The following NIPBL variants were observed in gnomAD, a reference collection of about 807,000 sequenced individuals.
NIPBL encodes nipped-B-like protein.
In NIPBL, 19 loss-of-function variants were observed where a neutral mutation model predicts 321.8. The ratio of observed to expected loss-of-function variants is 0.06; its 90% CI spans 0.04 to 0.09. NIPBL has a LOEUF of 0.09. NIPBL is among the 10% of genes least tolerant of loss of function. NIPBL has a pLI of 1.00. For synonymous variants in NIPBL, 1,106 were observed against 1,114.1 expected (o/e 0.99, Z 0.14); for missense variants, 2,210 against 3,327.0 (o/e 0.66, Z 8.26).
At chr5:36,908,488 T>G (rs1747812108) in intron 1 of NIPBL, among the ~76,000 whole-genome samples, 1 of 152,186 alleles carries the variant, frequency 6.6e-6, no homozygotes, top group Admixed American at 6.5e-5. Context: ...CAACCACTTA[T>G]TCCAAATTTA....
At chr5:37,036,142 TG>T (rs1751656669) in intron 32 of NIPBL, among the ~76,000 whole-genome samples, 1 of 151,976 alleles carries the variant, frequency 6.6e-6, no homozygotes, top group African/African-American at 2.4e-5. Context: ...GTAGTAAAAT[TG>T]TTTGAAAGTA....
At chr5:36,995,592 T>G (rs1746053852) in intron 10 of NIPBL, 30 bp from the exon 11 acceptor site, 2 of 1,532,830 alleles carry the variant, frequency 1.3e-6, no homozygotes, top group Non-Finnish European at 1.8e-6. Context: ...AGATTTACAT[T>G]TTTTTTTTAA....
intron 1 of NIPBL, among the ~76,000 whole-genome samples, chr5:36,919,209 C>T (rs1748723426): frequency 6.6e-6 from 1 of 151,956 alleles, no homozygotes; most frequent in South Asian, 2.1e-4. Flanking sequence ...ATTATTCCCC[C>T]AAAAAATTAG....
chr5:37,026,987 T>C (rs1400511883), intron 31 of NIPBL, among the ~76,000 whole-genome samples: 1 of 152,108 alleles, frequency 6.6e-6, no homozygotes, highest in African/African-American at 2.4e-5. Flanking sequence ...TATTGATGTC[T>C]TTAAAATGTG....
intron 1 of NIPBL, among the ~76,000 whole-genome samples, chr5:36,917,949 A>G (rs1367706917): frequency 1.3e-5 from 2 of 152,194 alleles, no homozygotes; most frequent in Non-Finnish European, 2.9e-5. Context: ...GTTTGAAGTC[A>G]GGTAGCATGA....
At chr5:37,012,029 T>G (rs1332955794) in intron 21 of NIPBL, among the ~76,000 whole-genome samples, 7 of 151,984 alleles carry the variant, frequency 4.6e-5, no homozygotes, top group Non-Finnish European at 7.4e-5. Flanking sequence ...ACCCATCTTA[T>G]TTTGCATTTT....
chr5:36,977,182 A>C (rs776044781), intron 9 of NIPBL, among the ~76,000 whole-genome samples: 7 of 152,084 alleles, frequency 4.6e-5, no homozygotes, highest in Non-Finnish European at 7.4e-5. Context: ...ATAATTGATG[A>C]ATTTGATTGC....
At chr5:36,926,679 T>C (rs549258742) in intron 1 of NIPBL, among the ~76,000 whole-genome samples, 17 of 152,336 alleles carry the variant, frequency 1.1e-4, no homozygotes, top group African/African-American at 4.1e-4. Context: ...AATTAGCCAT[T>C]ACCTCAATAT....
At chr5:37,030,786 G>A (rs561422811) in intron 32 of NIPBL, among the ~76,000 whole-genome samples, 11 of 151,186 alleles carry the variant, frequency 7.3e-5, no homozygotes, top group African/African-American at 2.7e-4. Context: ...ACAGGGTCTC[G>A]CTGTGTCATG....
chr5:37,059,798 A>AC (rs1490165405), intron 44 of NIPBL, among the ~76,000 whole-genome samples: 1 of 152,216 alleles, frequency 6.6e-6, no homozygotes, highest in African/African-American at 2.4e-5. Flanking sequence ...ACAGATGTAA[A>AC]CCAACTAAAC....
chr5:36,934,480 T>C (rs895546773), intron 1 of NIPBL, among the ~76,000 whole-genome samples: 1 of 152,046 alleles, frequency 6.6e-6, no homozygotes, highest in African/African-American at 2.4e-5. Flanking sequence ...GAATAGAGGA[T>C]AGATAGATTT....
intron 2 of NIPBL, 31 bp downstream of exon 2, chr5:36,953,791 TCTA>T (rs1281003670): frequency 1.3e-6 from 2 of 1,539,812 alleles, no homozygotes; most frequent in Non-Finnish European, 1.8e-6. Context: ...TAATTTAAGT[TCTA>T]CTGTGTGTTA....
At chr5:37,032,658 T>A (rs1751200069) in intron 32 of NIPBL, among the ~76,000 whole-genome samples, 1 of 151,962 alleles carries the variant, frequency 6.6e-6, no homozygotes, top group Non-Finnish European at 1.5e-5. Context: ...GCCTGTAAAT[T>A]CAGCTACGTG....
rs1408641884 is a variant in NIPBL, at chr5:37,045,543, A to G, written c.6444A>G (p.Gly2148=). Residue 2148 remains glycine (G), a synonymous_variant, in exon 37 of 47, where the codon GGA becomes GGG. Coordinates refer to ENST00000282516, the MANE Select transcript of NIPBL (RefSeq NM_133433.4). ...TTCTTAGATCCCTTTTCACCGTTGG[A>G]GCACTATGTCGGCATTTTGATTTTG... ...PALLRSLFTV[G]ALCRHFDFDL... is the part of the protein sequence containing the mutation. 6 of 1,614,118 alleles carry G rather than the reference A, an allele frequency of 3.7e-6. No homozygotes were observed. In the South Asian group the frequency reaches 5.5e-5, roughly 15 times the overall value.
At chr5:36,900,448 A>G (rs11956853) in intron 1 of NIPBL, among the ~76,000 whole-genome samples, 6,328 of 152,186 alleles carry the variant, frequency 0.042, 446 homozygotes, top group African/African-American at 0.14. Context: ...TAATATCTCC[A>G]CTTTCCAAAT....
At chr5:37,055,326 G>A (rs1450385171) in intron 42 of NIPBL, among the ~76,000 whole-genome samples, 1 of 145,144 alleles carries the variant, frequency 6.9e-6, no homozygotes, top group Non-Finnish European at 1.5e-5. Context: ...CACTCCAGCT[G>A]AGCGACAGAG....
chr5:36,968,095 C>CAAA (rs1194609840), intron 6 of NIPBL, among the ~76,000 whole-genome samples: 19 of 54,122 alleles, frequency 3.5e-4, no homozygotes, highest in African/African-American at 9.9e-4. Flanking sequence ...GACTCTGTCT[C>CAAA]AAAAAAAAAA....
At chr5:36,992,368 A>G (rs1024035728) in intron 10 of NIPBL, among the ~76,000 whole-genome samples, 3 of 152,348 alleles carry the variant, frequency 2.0e-5, no homozygotes, top group Admixed American at 2.0e-4. Context: ...ATCATCATAT[A>G]CTAAGAGATA....
chr5:37,010,476 C>T (rs1424220081), intron 21 of NIPBL, among the ~76,000 whole-genome samples: 3 of 152,016 alleles, frequency 2.0e-5, no homozygotes, highest in Admixed American at 6.6e-5. Flanking sequence ...CCACCACGCC[C>T]GGCTAATTTA....
Sources: allele counts gnomAD v4.1 joint callset (sites outside exome capture counted in the v4.1 genomes callset), GRCh38; gene constraint gnomAD v4.1.1; transcripts MANE v1.5; gene names NCBI Gene and HGNC (gene_info 2026-07-23, HGNC 2026-07-21).